ITFG1: variants seen among roughly 807,000 people sequenced by gnomAD.
ITFG1 encodes the protein T-cell immunomodulatory protein.
ITFG1 carries 34 observed loss-of-function variants against 81.8 expected under a neutral mutation model. That is an observed-to-expected ratio of 0.42 (90% confidence interval 0.32 to 0.55). The LOEUF is 0.55. ITFG1 is among the 20% of genes least tolerant of loss of function. ITFG1 has a pLI of 0.17. For synonymous variants in ITFG1, 285 were observed against 270.6 expected (o/e 1.05, Z -0.52); for missense variants, 672 against 755.4 (o/e 0.89, Z 1.29).
At chr16:47,240,061 G>C (rs1965915970) in intron 12 of ITFG1, among the ~76,000 whole-genome samples, 1 of 151,732 alleles carries the variant, frequency 6.6e-6, no homozygotes, top group African/African-American at 2.4e-5. Context: ...GGAAGCTGAG[G>C]TGGGTGGATC....
At chr16:47,272,340 T>C (rs1264983219) in intron 10 of ITFG1, among the ~76,000 whole-genome samples, 1 of 152,138 alleles carries the variant, frequency 6.6e-6, no homozygotes, top group Non-Finnish European at 1.5e-5. Context: ...GAATGGGGCT[T>C]CTTTTTAGGG....
At chr16:47,429,047 T>G (rs1397495909) in intron 5 of ITFG1, 149 bp from the exon 6 acceptor site, 21 of 598,458 alleles carry the variant, frequency 3.5e-5, no homozygotes, top group Non-Finnish European at 5.8e-5. Flanking sequence ...GTGCAGTGAG[T>G]GGTTTTTAGT....
At chr16:47,390,106 T>G (rs574008241) in intron 6 of ITFG1, among the ~76,000 whole-genome samples, 6 of 152,300 alleles carry the variant, frequency 3.9e-5, no homozygotes, top group African/African-American at 1.4e-4. Context: ...GCATGAGATG[T>G]GTATGGAGAA....
intron 5 of ITFG1, among the ~76,000 whole-genome samples, chr16:47,434,956 A>G (rs577667767): frequency 1.1e-4 from 16 of 152,336 alleles, no homozygotes; most frequent in African/African-American, 3.6e-4. Flanking sequence ...GTTCTCACTT[A>G]TAAGTCGGAG....
intron 12 of ITFG1, among the ~76,000 whole-genome samples, chr16:47,241,926 C>T (rs556283256): frequency 6.6e-6 from 1 of 150,720 alleles, no homozygotes; most frequent in Admixed American, 6.6e-5. Context: ...TGCTCTCCAG[C>T]CTGGGTGACA....
At chr16:47,403,965 T>C (rs968927834) in intron 6 of ITFG1, among the ~76,000 whole-genome samples, 1 of 151,998 alleles carries the variant, frequency 6.6e-6, no homozygotes, top group Non-Finnish European at 1.5e-5. Flanking sequence ...GGGTTCCCAC[T>C]GATTCTACAT....
intron 14 of ITFG1, among the ~76,000 whole-genome samples, chr16:47,204,879 G>A (rs1965473326): frequency 6.6e-6 from 1 of 152,212 alleles, no homozygotes; most frequent in African/African-American, 2.4e-5. Flanking sequence ...AAGGAGGAGT[G>A]TCAGGAACTA....
chr16:47,178,448 CAAACCTGACA>C (rs1965056873), intron 14 of ITFG1, among the ~76,000 whole-genome samples: 1 of 152,156 alleles, frequency 6.6e-6, no homozygotes, highest in Non-Finnish European at 1.5e-5. Context: ...TGATCTTTGA[CAAACCTGACA>C]AAAACAAGAA....
intron 12 of ITFG1, among the ~76,000 whole-genome samples, chr16:47,241,339 T>C (rs1965931152): frequency 1.3e-5 from 2 of 152,190 alleles, no homozygotes; most frequent in South Asian, 4.1e-4. Flanking sequence ...AACAGAAATG[T>C]GTACATCAGT....
intron 5 of ITFG1, among the ~76,000 whole-genome samples, chr16:47,440,414 A>G (rs1969230925): frequency 6.6e-6 from 1 of 152,270 alleles, no homozygotes; most frequent in Admixed American, 6.5e-5. Context: ...CACATATTCC[A>G]AAATTGACCA....
intron 10 of ITFG1, among the ~76,000 whole-genome samples, chr16:47,301,844 A>G (rs1337070220): frequency 1.3e-5 from 2 of 152,190 alleles, no homozygotes; most frequent in Non-Finnish European, 2.9e-5. Context: ...CCTACTTAAA[A>G]TTTTGTTTAA....
chr16:47,224,252 T>C (rs532718909), intron 13 of ITFG1, among the ~76,000 whole-genome samples: 1 of 152,330 alleles, frequency 6.6e-6, no homozygotes, highest in African/African-American at 2.4e-5. Flanking sequence ...CATCAGCAAT[T>C]GTTTAACATT....
intron 16 of ITFG1, among the ~76,000 whole-genome samples, chr16:47,159,869 TAGTC>T (rs1405619259): frequency 6.6e-6 from 1 of 152,156 alleles, no homozygotes; most frequent in Non-Finnish European, 1.5e-5. Flanking sequence ...AGTTAGCTTC[TAGTC>T]AATAACCTCA....
intron 6 of ITFG1, among the ~76,000 whole-genome samples, chr16:47,428,091 A>G (rs899984226): frequency 6.6e-6 from 1 of 152,214 alleles, no homozygotes; most frequent in East Asian, 1.9e-4. Context: ...CTGTGATCGC[A>G]TGTACTACTG....
In ITFG1 at chr16:47,247,814, G is replaced by C. The variant is rs539312917; in HGVS notation, c.1331-9806C>G. ...GGTGCTTAATACTCACCCTAGCTCA[G>C]AGGGAAGTAGCCTGGGTTTAAAGGG... On this transcript the variant is annotated intron_variant, in intron 12 of 17. Coordinates refer to ENST00000320640, the MANE Select transcript of ITFG1 (RefSeq NM_030790.5). 4.0e-4 allele frequency among the ~76,000 whole-genome samples: 61 copies of C among 152,226 alleles called. 1 individual carries two copies. The highest frequency in any genetic ancestry group is 1.4e-3 in the African/African-American group (59 of 41,530).
chr16:47,218,921 G>A lies in ITFG1; in HGVS notation c.1400C>T (p.Pro467Leu), dbSNP rs1324405585. 9 of 1,600,740 alleles carry A rather than the reference G, an allele frequency of 5.6e-6. No homozygotes were observed. Among genetic ancestry groups the A allele is most frequent in the Non-Finnish European group, 7.7e-6 (9 of 1,173,338 alleles). Residue 467 changes from proline (P) to leucine (L), a missense_variant, in exon 14 of 18, where the codon CCT becomes CTT. Around this residue, in one of 3 missense-constraint regions of ITFG1, gnomAD observed 560 missense variants for 625.7 expected, o/e 0.90. Transcript: ENST00000320640. Reference sequence around the variant, plus strand: ...ATCTACAGTTGTATACATGATATAAGGTCCAGGTTGATTCACTCCAAAGGG... The same window carrying A: ...ATCTACAGTTGTATACATGATATAAAGTCCAGGTTGATTCACTCCAAAGGG... ...ITPFGVNQPG[P>L]YIMYTTVDAN...
In ITFG1 at chr16:47,218,789, AT is replaced by A. The variant is rs765133376; in HGVS notation, c.1453+78del. The A allele has an allele frequency of 6.5e-6, 5 of 765,516 alleles. No individual in the cohort carries two copies. In the East Asian group the frequency reaches 1.1e-4, roughly 17 times the overall value. 47.4% of individuals were successfully genotyped at this position (765,516 alleles called of 1,614,324 possible). A position where few individuals can be genotyped will look rare whatever the true frequency, so the allele number is the denominator to read the frequency against. ...TGTTATTAAGGAGTGTGAAAACATA[AT>A]TTTTTCCACCAGTTTACCTTGCTAA... is the stretch of plus-strand genomic sequence containing the variant. On this transcript the variant is annotated intron_variant, in intron 14 of 17. Coordinates refer to ENST00000320640, the MANE Select transcript of ITFG1 (RefSeq NM_030790.5).
In ITFG1 at chr16:47,408,544, A is replaced by G. The variant is rs373549864; in HGVS notation, c.655+20260T>C. Among the ~76,000 whole-genome samples, 33 of 152,318 alleles carry G rather than the reference A, an allele frequency of 2.2e-4. No individual in the cohort carries two copies. In the East Asian group the frequency reaches 4.1e-3, roughly 19 times the overall value. On this transcript the variant is annotated intron_variant, in intron 6 of 17. Coordinates refer to ENST00000320640, the MANE Select transcript of ITFG1 (RefSeq NM_030790.5). ...AAGAGTCCCTGGGGTTGAGGACTAT[A>G]TATTTAATATCTCATCAATAGACCA...
At chr16:47,225,374 G>A (rs1965745319) in intron 13 of ITFG1, among the ~76,000 whole-genome samples, 1 of 152,008 alleles carries the variant, frequency 6.6e-6, no homozygotes, top group African/African-American at 2.4e-5. Context: ...AAGCAATAAT[G>A]GCTAAAACTA....
Sources: gnomAD v4.1 joint callset for allele counts (sites outside exome capture counted in the v4.1 genomes callset) on GRCh38, gnomAD v4.1.1 for gene constraint, gnomAD v4.1.1 regional missense constraint, MANE v1.5 for transcripts, NCBI Gene and HGNC (gene_info 2026-07-23, HGNC 2026-07-21) for gene names.